Variants in L3MBTL4 observed in about 807,000 individuals in gnomAD.
The protein encoded by L3MBTL4 is L3MBTL histone methyl-lysine binding protein 4.
Under a neutral mutation model 84.5 loss-of-function variants are expected in L3MBTL4, and 70 were observed. That is an observed-to-expected ratio of 0.83 (90% CI 0.68 to 1.01). L3MBTL4 has a LOEUF of 1.01. L3MBTL4 is among the 50% of genes least tolerant of loss of function. The pLI, the probability that L3MBTL4 is intolerant of heterozygous loss-of-function variation, is 0.00. For synonymous variants in L3MBTL4, 274 were observed against 259.8 expected, an observed-to-expected ratio of 1.05 and a Z score of -0.52; for missense variants, 715 against 754.8, an observed-to-expected ratio of 0.95 and a Z score of 0.62.
At chr18:5,993,819 T>C (rs1024462525) in intron 16 of L3MBTL4, among the ~76,000 whole-genome samples, 1 of 152,208 alleles carries the variant, frequency 6.6e-6, no homozygotes, top group African/African-American at 2.4e-5. Context: ...TTTTCCCCAA[T>C]AGTTTTATTC....
At chr18:6,286,183 G>A (rs149787270) in intron 4 of L3MBTL4, among the ~76,000 whole-genome samples, 2,345 of 151,332 alleles carry the variant, frequency 0.015, 67 homozygotes, top group African/African-American at 0.054. Context: ...AAAACCTCCA[G>A]CCAGGCACGG....
At chr18:6,234,643 C>T (rs924670632) in intron 10 of L3MBTL4, among the ~76,000 whole-genome samples, 4 of 152,028 alleles carry the variant, frequency 2.6e-5, no homozygotes, top group Admixed American at 6.6e-5. Context: ...GTTAGAATGG[C>T]GATCATTAAA....
intron 16 of L3MBTL4, among the ~76,000 whole-genome samples, chr18:6,078,461 A>G (rs1171001902): frequency 1.3e-5 from 2 of 151,570 alleles, no homozygotes; most frequent in Non-Finnish European, 2.9e-5. Flanking sequence ...AAAAAGGGGA[A>G]AAAAAGGAAG....
intron 14 of L3MBTL4, among the ~76,000 whole-genome samples, chr18:6,107,609 G>GTGTGA (rs1171743238): frequency 6.6e-6 from 1 of 152,204 alleles, no homozygotes; most frequent in African/African-American, 2.4e-5. Flanking sequence ...AAACTCATGA[G>GTGTGA]TGTGATGATA....
intron 5 of L3MBTL4, among the ~76,000 whole-genome samples, chr18:6,262,758 C>G: frequency 6.6e-6 from 1 of 152,182 alleles, no homozygotes; most frequent in Non-Finnish European, 1.5e-5. Context: ...GTTAGTGAAG[C>G]ATACCACCTA....
chr18:6,200,906 A>T (rs2045622578), intron 12 of L3MBTL4, among the ~76,000 whole-genome samples: 2 of 152,222 alleles, frequency 1.3e-5, no homozygotes, highest in African/African-American at 4.8e-5. Context: ...GTTTTGCATA[A>T]GGAATAAATA....
chr18:6,228,546 A>G (rs981928378), intron 10 of L3MBTL4, among the ~76,000 whole-genome samples: 1 of 152,226 alleles, frequency 6.6e-6, no homozygotes, highest in African/African-American at 2.4e-5. Flanking sequence ...AAACTCAATA[A>G]TAAGAAAAAT....
chr18:6,196,534 G>A (rs1774118182), intron 12 of L3MBTL4, among the ~76,000 whole-genome samples: 1 of 152,040 alleles, frequency 6.6e-6, no homozygotes, highest in Admixed American at 6.6e-5. Context: ...AAAATTTGGG[G>A]CTTTGGTTCA....
intron 16 of L3MBTL4, among the ~76,000 whole-genome samples, chr18:6,026,451 A>C (rs1166791971): frequency 6.6e-6 from 1 of 152,242 alleles, no homozygotes; most frequent in African/African-American, 2.4e-5. Context: ...ATCTTTACCA[A>C]CTTCCTGAGA....
chr18:6,020,677 G>A (rs2055207504), intron 16 of L3MBTL4, among the ~76,000 whole-genome samples: 1 of 152,148 alleles, frequency 6.6e-6, no homozygotes, highest in South Asian at 2.1e-4. Context: ...AAAATCAATA[G>A]GTTTGGTTTC....
chr18:6,020,768 G>A (rs184709689), intron 16 of L3MBTL4, among the ~76,000 whole-genome samples: 34 of 152,280 alleles, frequency 2.2e-4, no homozygotes, highest in African/African-American at 8.2e-4. Flanking sequence ...GTTAGATGGT[G>A]GAGCCATTTT....
rs1006758908 is a variant in L3MBTL4 at position 6,358,866 on chromosome 18, T to C, written c.-90-46810A>G. On this transcript the variant is annotated intron_variant, in intron 1 of 18. Coordinates refer to ENST00000317931, the MANE Select transcript of L3MBTL4 (RefSeq NM_001330559.2). ...CTGAGGGCTCCACAGGAGAGCCCTG[T>C]GCAGATGGGGACCAAGTGGAGAACT... is the stretch of plus-strand genomic sequence containing the variant. 2.6e-5 allele frequency among the ~76,000 whole-genome samples: 4 copies of C among 152,224 alleles called. No individual in the cohort carries two copies. The South Asian group carries it at 6.2e-4, about 24-fold the overall frequency.
intron 1 of L3MBTL4, among the ~76,000 whole-genome samples, chr18:6,407,918 T>C (rs189894422): frequency 1.3e-5 from 2 of 152,196 alleles, no homozygotes; most frequent in Admixed American, 1.3e-4. Flanking sequence ...GTATGTATAG[T>C]CCAGTCTCAA....
chr18:6,163,799 G>A (rs2043489179), intron 13 of L3MBTL4, among the ~76,000 whole-genome samples: 1 of 152,178 alleles, frequency 6.6e-6, no homozygotes, highest in Non-Finnish European at 1.5e-5. Flanking sequence ...TGAGGTACCG[G>A]GTTCATCACA....
intron 1 of L3MBTL4, among the ~76,000 whole-genome samples, chr18:6,389,157 G>A (rs1301388418): frequency 6.6e-6 from 1 of 152,160 alleles, no homozygotes; most frequent in Non-Finnish European, 1.5e-5. Flanking sequence ...TCATTAAACA[G>A]AAGAACTGTC....
intron 16 of L3MBTL4, among the ~76,000 whole-genome samples, chr18:6,014,211 C>T (rs918361409): frequency 1.3e-5 from 2 of 152,196 alleles, no homozygotes; most frequent in Admixed American, 6.5e-5. Flanking sequence ...AAACATAATG[C>T]ATCCTTAAAG....
At chr18:6,363,469 G>C (rs921851333) in intron 1 of L3MBTL4, among the ~76,000 whole-genome samples, 3 of 152,138 alleles carry the variant, frequency 2.0e-5, no homozygotes, top group Non-Finnish European at 4.4e-5. Context: ...AACTGAAAGC[G>C]TGATGTCAGA....
At chr18:6,006,369 A>G (rs114675618) in intron 16 of L3MBTL4, among the ~76,000 whole-genome samples, 1,976 of 152,310 alleles carry the variant, frequency 0.013, 25 homozygotes, top group Middle Eastern at 0.071. Context: ...CTTGATATAT[A>G]AGAACTATGA....
intron 16 of L3MBTL4, among the ~76,000 whole-genome samples, chr18:5,995,391 T>C (rs1340464123): frequency 2.0e-5 from 3 of 152,224 alleles, no homozygotes; most frequent in Non-Finnish European, 2.9e-5. Flanking sequence ...TTTTTTCTTA[T>C]TCAACATACT....
Sources: allele counts gnomAD v4.1 joint callset (sites outside exome capture counted in the v4.1 genomes callset), GRCh38; gene constraint gnomAD v4.1.1; transcripts MANE v1.5; gene names NCBI Gene and HGNC (gene_info 2026-07-23, HGNC 2026-07-21).